CWH43: variants seen among roughly 807,000 people sequenced by gnomAD.
CWH43 encodes the protein PGAP2-interacting protein.
In CWH43, 91 loss-of-function variants were observed where a neutral mutation model predicts 85.7. That is an observed-to-expected ratio of 1.06 (90% CI 0.90 to 1.26). CWH43 has a LOEUF of 1.26. Among genes scored for constraint, CWH43 ranks in the 50% most tolerant of loss-of-function variants. CWH43 has a pLI of 0.00. For synonymous variants in CWH43, 323 were observed against 293.6 expected, an observed-to-expected ratio of 1.10 and a Z score of -1.02; for missense variants, 869 against 839.2, an observed-to-expected ratio of 1.04 and a Z score of -0.44.
At chr4:49,021,145 G>C (rs1218868003) in intron 9 of CWH43, among the ~76,000 whole-genome samples, 2 of 152,104 alleles carry the variant, frequency 1.3e-5, no homozygotes, top group Admixed American at 6.5e-5. Context: ...AATTTTAAAA[G>C]AGTTTTTCCA....
rs753646484 is a variant in CWH43, at chr4:49,004,103, C to A, written c.1060+111C>A. The A allele has an allele frequency of 4.1e-6, 4 of 972,098 alleles. No individual in the cohort carries two copies. In the African/African-American group the frequency reaches 4.9e-5, roughly 12 times the overall value. The allele number at this position is 972,098 out of a possible 1,614,324, so 60.2% of individuals were successfully genotyped here. A position where few individuals can be genotyped will look rare whatever the true frequency, so the allele number is the denominator to read the frequency against. On this transcript the variant is annotated intron_variant, in intron 7 of 15. Coordinates refer to ENST00000226432, the MANE Select transcript of CWH43 (RefSeq NM_025087.3). ...GGTGGAAATAAGCAGGATGATCTAG[C>A]TTTCTTGGTAAAATAGACTCTCTTG...
intron 2 of CWH43, among the ~76,000 whole-genome samples, chr4:48,991,098 A>T (rs903605657): frequency 1.3e-5 from 2 of 152,180 alleles, no homozygotes; most frequent in Non-Finnish European, 2.9e-5. Flanking sequence ...GACAGAAAAT[A>T]GATTAGTGGT....
intron 7 of CWH43, among the ~76,000 whole-genome samples, chr4:49,005,760 C>T (rs2109764347): frequency 6.6e-6 from 1 of 151,842 alleles, no homozygotes; most frequent in African/African-American, 2.4e-5. Context: ...AGGCTGGCGT[C>T]GAACTCCTGG....
Position 48,998,478 on chromosome 4 carries a change from C to A in CWH43, c.732C>A (p.Cys244Ter), listed in dbSNP as rs1271218516. ...PNPFGGAVLL[C>*]LASGLMLPSC... ...TTCACAGAGGTGCAGTACTGCTGTG[C>A]TTGGCAAGTGGATTGATGCTTCCAT... The change falls in exon 6 of 16, where the codon TGC becomes TGA. Residue 244 changes from cysteine (C) to a stop codon, truncating the protein, a stop_gained. Transcript: ENST00000226432. LOFTEE classifies it high-confidence loss of function. 2 of 1,613,606 alleles carry A rather than the reference C, an allele frequency of 1.2e-6. No homozygotes were observed. Among genetic ancestry groups the A allele is most frequent in the Admixed American group, 3.3e-5 (2 of 59,994 alleles).
chr4:48,989,790 C>T (rs1381231363), intron 2 of CWH43, among the ~76,000 whole-genome samples: 1 of 152,130 alleles, frequency 6.6e-6, no homozygotes, highest in East Asian at 1.9e-4. Context: ...GAAAAGTGTG[C>T]CCTTTACAAA....
intron 4 of CWH43, among the ~76,000 whole-genome samples, chr4:48,993,788 C>T (rs537775788): frequency 6.6e-6 from 1 of 152,262 alleles, no homozygotes; most frequent in East Asian, 1.9e-4. Context: ...GAGTTTCACT[C>T]TTGTTGCCCG....
chr4:49,019,368 A>G (rs1238815753), intron 9 of CWH43, among the ~76,000 whole-genome samples: 1 of 152,074 alleles, frequency 6.6e-6, no homozygotes, highest in Non-Finnish European at 1.5e-5. Flanking sequence ...CAGAAGGAAC[A>G]CATATAAAGG....
chr4:49,053,615 C>T (rs554732570), intron 15 of CWH43, among the ~76,000 whole-genome samples: 1 of 152,180 alleles, frequency 6.6e-6, no homozygotes, highest in South Asian at 2.1e-4. Flanking sequence ...ATGTCCTTTG[C>T]TCATTTAAAA....
In CWH43 at chr4:48,991,692, C is replaced by T. The variant is rs182372227; in HGVS notation, c.356+118C>T. ...ACCTTCCATATGGCTTTGTCAAAGT[C>T]TCCTTTTTTTTCCTTTTCCCAAAAC... On this transcript the variant is annotated intron_variant, in intron 3 of 15. Coordinates refer to ENST00000226432, the MANE Select transcript of CWH43 (RefSeq NM_025087.3). The T allele has an allele frequency of 2.4e-6, 3 of 1,248,030 alleles. No individual in the cohort carries two copies. In the East Asian group the frequency reaches 7.1e-5, roughly 30 times the overall value. 77.3% of individuals were successfully genotyped at this position (1,248,030 alleles called of 1,614,324 possible).
chr4:48,994,794 T>A lies in CWH43; in HGVS notation c.687T>A (p.His229Gln). The part of the protein sequence containing the change: ...VSRWAVSGHP[H>Q]PGPDPNPFGG... Reference sequence around the variant, plus strand: ...GATGGGCAGTGAGTGGGCATCCACATCCAGGGCCAGATCCTAACCCATTTG... The same window carrying A: ...GATGGGCAGTGAGTGGGCATCCACAACCAGGGCCAGATCCTAACCCATTTG... Residue 229 changes from histidine to glutamine, a missense_variant, in exon 5 of 16, where the codon CAT (histidine) becomes CAA (glutamine). Around this residue, in one of 3 missense-constraint regions of CWH43, gnomAD observed 152 missense variants for 203.6 expected, o/e 0.75. Coordinates refer to ENST00000226432, the MANE Select transcript of CWH43 (RefSeq NM_025087.3). 1.2e-6 allele frequency: 2 copies of A among 1,613,934 alleles called. No individual in the cohort carries two copies. The highest frequency in any genetic ancestry group is 1.7e-6 in the Non-Finnish European group (2 of 1,180,016).
chr4:49,049,171 T>C (rs1405815660), intron 14 of CWH43, among the ~76,000 whole-genome samples: 1 of 152,206 alleles, frequency 6.6e-6, no homozygotes, highest in East Asian at 1.9e-4. Flanking sequence ...TGCACAGATT[T>C]AGGACTTGAG....
intron 15 of CWH43, among the ~76,000 whole-genome samples, chr4:49,052,602 A>G (rs1240749807): frequency 6.6e-6 from 1 of 152,226 alleles, no homozygotes; most frequent in East Asian, 1.9e-4. Context: ...TATTCTTCAC[A>G]TAGCAGGAGT....
chr4:48,990,137 CTGGTG>C (rs1782613723), intron 2 of CWH43, among the ~76,000 whole-genome samples: 1 of 152,150 alleles, frequency 6.6e-6, no homozygotes, highest in Admixed American at 6.5e-5. Context: ...CCAGTAACTT[CTGGTG>C]ATGGTAAGGG....
chr4:49,056,969 C>T (rs749719483), intron 15 of CWH43, among the ~76,000 whole-genome samples: 40 of 152,076 alleles, frequency 2.6e-4, no homozygotes, highest in Non-Finnish European at 5.3e-4. Context: ...CAATTTTCCT[C>T]TTATTAATTT....
At chr4:49,004,028 G>C in intron 7 of CWH43, 36 bp downstream of exon 7, 6 of 1,565,690 alleles carry the variant, frequency 3.8e-6, no homozygotes, top group Non-Finnish European at 5.2e-6. Context: ...TAAAATAATT[G>C]CTCAAAAATA....
intron 7 of CWH43, among the ~76,000 whole-genome samples, chr4:49,006,745 C>T (rs1783169393): frequency 6.6e-6 from 1 of 152,104 alleles, no homozygotes; most frequent in Non-Finnish European, 1.5e-5. Context: ...GCCTCTGTGC[C>T]CAGAAAACTC....
At chr4:49,052,397 T>C (rs1176829719) in intron 15 of CWH43, among the ~76,000 whole-genome samples, 3 of 152,154 alleles carry the variant, frequency 2.0e-5, no homozygotes, top group African/African-American at 7.2e-5. Flanking sequence ...CTATGTGAGG[T>C]ATGAATGGCA....
intron 4 of CWH43, among the ~76,000 whole-genome samples, chr4:48,994,389 G>A (rs1389078925): frequency 2.6e-5 from 4 of 152,156 alleles, no homozygotes. Flanking sequence ...ATTCCAAAAT[G>A]CCTTTTCTCC....
chr4:49,030,687 G>T, intron 10 of CWH43, 138 bp from the exon 11 acceptor site: 1 of 676,604 alleles, frequency 1.5e-6, no homozygotes, highest in East Asian at 3.3e-5. Context: ...CTTCTCTCTA[G>T]TGACTCACTA....
Sources: gnomAD v4.1 joint callset for allele counts (sites outside exome capture counted in the v4.1 genomes callset) on GRCh38, gnomAD v4.1.1 for gene constraint, gnomAD v4.1.1 regional missense constraint, MANE v1.5 for transcripts, NCBI Gene and HGNC (gene_info 2026-07-23, HGNC 2026-07-21) for gene names.